Variants in KCNH1 observed in about 807,000 individuals in gnomAD.
KCNH1 encodes the protein voltage-gated delayed rectifier potassium channel KCNH1.
Under a neutral mutation model 69.2 loss-of-function variants are expected in KCNH1, and 27 were observed. That is an observed-to-expected ratio of 0.39 (90% CI 0.29 to 0.54). The LOEUF is 0.54. KCNH1 is among the 20% of genes least tolerant of loss of function. The pLI, the probability that KCNH1 is intolerant of heterozygous loss-of-function variation, is 0.68. For missense variants in KCNH1, 798 were observed against 1,261.6 expected, an observed-to-expected ratio of 0.63 and a Z score of 5.57; for synonymous variants, 456 against 487.7, an observed-to-expected ratio of 0.93 and a Z score of 0.86.
At chr1:210,889,279 C>G (rs1406048462) in intron 7 of KCNH1, among the ~76,000 whole-genome samples, 1 of 152,110 alleles carries the variant, frequency 6.6e-6, no homozygotes, top group Non-Finnish European at 1.5e-5. Flanking sequence ...TAATCCCTCT[C>G]ATAAACAGAA....
At chr1:211,063,867 G>A (rs954110428) in intron 5 of KCNH1, 5 of 152,014 alleles carry the variant, frequency 3.3e-5, no homozygotes, top group Non-Finnish European at 7.4e-5. Flanking sequence ...AATGATAAAC[G>A]CTTGAGGTGA....
chr1:211,001,674 A>G (rs1689182389), intron 6 of KCNH1, among the ~76,000 whole-genome samples: 1 of 152,334 alleles, frequency 6.6e-6, no homozygotes, highest in Admixed American at 6.5e-5. Flanking sequence ...GTATATATCC[A>G]AAGGATTATA....
At chr1:211,069,694 C>CA (rs1558591061) in intron 5 of KCNH1, among the ~76,000 whole-genome samples, 1 of 150,938 alleles carries the variant, frequency 6.6e-6, no homozygotes, top group South Asian at 2.1e-4. Flanking sequence ...GCAAAGAGAA[C>CA]AAAAAAAGAC....
intron 7 of KCNH1, among the ~76,000 whole-genome samples, chr1:210,913,299 A>G (rs151287885): frequency 6.6e-6 from 1 of 152,202 alleles, no homozygotes; most frequent in Non-Finnish European, 1.5e-5. Flanking sequence ...ATAAAAATAA[A>G]CCAAAAATGA....
At chr1:210,847,774 A>C (rs1388424828) in intron 7 of KCNH1, among the ~76,000 whole-genome samples, 1 of 151,790 alleles carries the variant, frequency 6.6e-6, no homozygotes, top group Non-Finnish European at 1.5e-5. Context: ...ATAAAGATAT[A>C]ATTGACATGT....
chr1:211,002,777 G>A (rs553516552), intron 6 of KCNH1, among the ~76,000 whole-genome samples: 37 of 152,220 alleles, frequency 2.4e-4, no homozygotes, highest in African/African-American at 8.9e-4. Context: ...GGGAAGCATG[G>A]GAAGAGAAAA....
chr1:210,915,030 T>C (rs1460587223), intron 7 of KCNH1, among the ~76,000 whole-genome samples: 2 of 152,054 alleles, frequency 1.3e-5, no homozygotes, highest in East Asian at 1.9e-4. Flanking sequence ...ATTTAGAAAA[T>C]GGAAACTGTC....
In KCNH1 at chr1:210,683,151, A is replaced by AC; in HGVS notation, c.*129dup. On this transcript the variant is annotated 3_prime_UTR_variant, in exon 11 of 11. Coordinates refer to ENST00000271751, the MANE Select transcript of KCNH1 (RefSeq NM_172362.3). This position sits in a 1 kb window ranked among gnomAD's most constrained non-coding sequence, Gnocchi z 5.7. ...GATAGAGAAAGAGCACGTCTAAGCC[A>AC]CTGGCCCCACTTTTTCTGTTAGGAA... The AC allele has an allele frequency of 1.1e-6, 1 of 904,338 alleles. No individual in the cohort carries two copies. The highest frequency in any genetic ancestry group is 1.7e-6 in the Non-Finnish European group (1 of 590,386). The allele number at this position is 904,338 out of a possible 1,614,324, so 56.0% of individuals were successfully genotyped here. A position where few individuals can be genotyped will look rare whatever the true frequency, so the allele number is the denominator to read the frequency against.
At chr1:210,688,231 A>G (rs1474922237) in intron 10 of KCNH1, among the ~76,000 whole-genome samples, 5 of 152,166 alleles carry the variant, frequency 3.3e-5, no homozygotes, top group African/African-American at 1.2e-4. Context: ...AATTATATCA[A>G]TGTGTAGGGT....
chr1:210,945,229 AATATCT>A (rs1217363602), intron 6 of KCNH1, among the ~76,000 whole-genome samples: 1 of 152,200 alleles, frequency 6.6e-6, no homozygotes, highest in Non-Finnish European at 1.5e-5. Context: ...TTGGTGCACA[AATATCT>A]ATTTGAGGTC....
intron 10 of KCNH1, among the ~76,000 whole-genome samples, chr1:210,721,810 A>C (rs55845719): frequency 0.19 from 28,220 of 151,760 alleles, 3,478 homozygotes; most frequent in Non-Finnish European, 0.28. Flanking sequence ...AAAATAAATA[A>C]ATAAATAAAT....
chr1:211,035,043 T>C (rs1307957250), intron 5 of KCNH1, among the ~76,000 whole-genome samples: 1 of 152,006 alleles, frequency 6.6e-6, no homozygotes, highest in Non-Finnish European at 1.5e-5. Context: ...TTCAATAGTG[T>C]CTTCATACCT....
rs57669878 is a variant in KCNH1 at position 210,738,552 on chromosome 1, C to CTTTTTT, written c.2112+36790_2112+36795dup. 9.8e-4 allele frequency among the ~76,000 whole-genome samples: 48 copies of CTTTTTT among 49,154 alleles called. 1 individual carries two copies. The highest frequency in any genetic ancestry group is 0.025 in the Middle Eastern group (1 of 40). 32.2% of individuals were successfully genotyped at this position (49,154 alleles called of 152,430 possible). The stretch of plus-strand genomic sequence containing the variant: ...CTGTATTCCTGGCTTGGCTTTTTTG[C>CTTTTTT]TTTTTTTTTTTTTTTTTTTTTTTTT... On this transcript the variant is annotated intron_variant, in intron 10 of 10. Coordinates refer to ENST00000271751, the MANE Select transcript of KCNH1 (RefSeq NM_172362.3).
At chr1:210,983,841 C>T (rs181247404) in intron 6 of KCNH1, among the ~76,000 whole-genome samples, 4 of 152,148 alleles carry the variant, frequency 2.6e-5, no homozygotes, top group Admixed American at 6.5e-5. Flanking sequence ...GAATGGCATT[C>T]AATCTATAAA....
chr1:210,711,491 G>T (rs1682074108), intron 10 of KCNH1, among the ~76,000 whole-genome samples: 1 of 152,194 alleles, frequency 6.6e-6, no homozygotes. Context: ...AGAGATGCCA[G>T]CCTCTCTAGA....
At chr1:210,993,279 T>C (rs776802696) in intron 6 of KCNH1, among the ~76,000 whole-genome samples, 22 of 152,202 alleles carry the variant, frequency 1.4e-4, no homozygotes, top group Non-Finnish European at 2.5e-4. Flanking sequence ...CCATCTCATA[T>C]CACCCACTAA....
chr1:210,836,512 T>C (rs549857772), intron 7 of KCNH1, among the ~76,000 whole-genome samples: 1 of 152,306 alleles, frequency 6.6e-6, no homozygotes, highest in African/African-American at 2.4e-5. Flanking sequence ...AGCAAAATGA[T>C]TCTGCTCCCT....
intron 5 of KCNH1, among the ~76,000 whole-genome samples, chr1:211,034,349 T>C (rs1275261790): frequency 1.3e-5 from 2 of 151,928 alleles, no homozygotes; most frequent in African/African-American, 4.8e-5. Flanking sequence ...TGACTCCATA[T>C]ATATAATATT....
At chr1:210,874,582 C>T (rs569454347) in intron 7 of KCNH1, among the ~76,000 whole-genome samples, 44 of 152,242 alleles carry the variant, frequency 2.9e-4, no homozygotes, top group African/African-American at 1.0e-3. Context: ...AACCTAAGTC[C>T]ACCACAAAGA....
Sources: gnomAD v4.1 joint callset for allele counts (sites outside exome capture counted in the v4.1 genomes callset) on GRCh38, gnomAD v4.1.1 for gene constraint, Gnocchi (gnomAD v3.1) non-coding constraint, MANE v1.5 for transcripts, NCBI Gene and HGNC (gene_info 2026-07-23, HGNC 2026-07-21) for gene names.